Variants in RALYL observed in about 807,000 individuals in gnomAD.
RALYL encodes RNA-binding Raly-like protein.
In RALYL, 29 loss-of-function variants were observed where a neutral mutation model predicts 35.1. The observed-to-expected ratio is 0.83, with a 90% CI of 0.61 to 1.13. RALYL has a LOEUF of 1.13. RALYL is among the 50% of genes most tolerant of loss of function. The pLI is 0.00. For synonymous variants in RALYL, 120 were observed against 127.6 expected (o/e 0.94, Z 0.40); for missense variants, 359 against 360.4 (o/e 1.00, Z 0.03).
intron 2 of RALYL, among the ~76,000 whole-genome samples, chr8:84,552,120 T>C (rs1382067320): frequency 1.8e-5 from 1 of 54,630 alleles, no homozygotes; most frequent in African/African-American, 6.2e-5. Context: ...GGAGAGGAAG[T>C]TTTTTTTTTT....
chr8:84,682,137 T>G (rs1174722391), intron 2 of RALYL, among the ~76,000 whole-genome samples: 1 of 152,188 alleles, frequency 6.6e-6, no homozygotes, highest in Non-Finnish European at 1.5e-5. Context: ...TATGCTGGAT[T>G]ACGTTTATTG....
At chr8:84,307,685 C>T (rs189782253) in intron 1 of RALYL, among the ~76,000 whole-genome samples, 71 of 152,044 alleles carry the variant, frequency 4.7e-4, no homozygotes, top group Non-Finnish European at 7.1e-4. Context: ...GGAGCAGGGG[C>T]GAATGGGGAA....
At chr8:84,609,036 A>AT (rs1817750019) in intron 2 of RALYL, among the ~76,000 whole-genome samples, 1 of 152,084 alleles carries the variant, frequency 6.6e-6, no homozygotes, top group African/African-American at 2.4e-5. Context: ...TTCAAACCAG[A>AT]TTTTTTGGCT....
At chr8:84,785,170 T>A (rs1261782225) in intron 3 of RALYL, among the ~76,000 whole-genome samples, 3 of 152,182 alleles carry the variant, frequency 2.0e-5, no homozygotes, top group Non-Finnish European at 4.4e-5. Flanking sequence ...AGGGGGTACC[T>A]GAGCAGGTCT....
At chr8:84,736,417 G>A (rs1020143426) in intron 2 of RALYL, among the ~76,000 whole-genome samples, 2 of 152,100 alleles carry the variant, frequency 1.3e-5, no homozygotes, top group African/African-American at 4.8e-5. Context: ...ATATAATCCA[G>A]TGGAAACTTT....
chr8:84,558,878 T>G (rs2061306001), intron 2 of RALYL, among the ~76,000 whole-genome samples: 1 of 152,128 alleles, frequency 6.6e-6, no homozygotes, highest in Non-Finnish European at 1.5e-5. Context: ...ATTCTCTTTC[T>G]TCTAAAGAAG....
intron 2 of RALYL, among the ~76,000 whole-genome samples, chr8:84,683,711 G>A (rs1836143003): frequency 6.6e-6 from 1 of 152,066 alleles, no homozygotes; most frequent in Non-Finnish European, 1.5e-5. Context: ...TTTTGAAACT[G>A]AGTCTCACAC....
At chr8:84,645,433 CTT>C (rs1806207490) in intron 2 of RALYL, among the ~76,000 whole-genome samples, 1 of 151,788 alleles carries the variant, frequency 6.6e-6, no homozygotes, top group African/African-American at 2.4e-5. Flanking sequence ...TTTACAATCT[CTT>C]CTGTCAATTT....
chr8:84,667,238 G>A (rs772066821), intron 2 of RALYL, among the ~76,000 whole-genome samples: 8 of 151,476 alleles, frequency 5.3e-5, no homozygotes, highest in Non-Finnish European at 7.4e-5. Flanking sequence ...CTAGAGACTT[G>A]TTCATATTCA....
Position 84,668,753 on chromosome 8 carries a change from G to T in RALYL, c.257-105826G>T, listed in dbSNP as rs1342484057. 3.3e-5 allele frequency among the ~76,000 whole-genome samples: 5 copies of T among 152,156 alleles called. No individual in the cohort carries two copies. The East Asian group carries it at 7.7e-4, about 23-fold the overall frequency. ...TGATGACTGTTATTAGAGCTTGGATGATAATGGAGTGAGACCAAAGTAGGG... is the reference window on the plus strand; with the variant it reads ...TGATGACTGTTATTAGAGCTTGGATTATAATGGAGTGAGACCAAAGTAGGG... On this transcript the variant is annotated intron_variant, in intron 2 of 8. Coordinates refer to ENST00000521268, the MANE Select transcript of RALYL (RefSeq NM_173848.7).
intron 1 of RALYL, among the ~76,000 whole-genome samples, chr8:84,302,571 G>A (rs907632657): frequency 3.9e-5 from 6 of 152,092 alleles, no homozygotes; most frequent in South Asian, 2.1e-4. Flanking sequence ...CTGTAGTGCC[G>A]AAGAGCAAGG....
At chr8:84,743,272 G>A (rs746878542) in intron 2 of RALYL, among the ~76,000 whole-genome samples, 56 of 151,766 alleles carry the variant, frequency 3.7e-4, no homozygotes, top group Admixed American at 5.9e-4. Flanking sequence ...GAAGTTTTTC[G>A]TTCTGTGTCC....
chr8:84,529,737 G>T (rs2059152060), intron 2 of RALYL, among the ~76,000 whole-genome samples, 160 bp downstream of exon 2: 2 of 151,686 alleles, frequency 1.3e-5, no homozygotes, highest in African/African-American at 4.8e-5. Context: ...ATATTGTTTT[G>T]TATATAGGTA....
At chr8:84,674,325 G>T (rs938854660) in intron 2 of RALYL, among the ~76,000 whole-genome samples, 4 of 152,122 alleles carry the variant, frequency 2.6e-5, no homozygotes, top group Admixed American at 1.3e-4. Flanking sequence ...TGCAAACAGG[G>T]ATAGTTTAAC....
At chr8:84,662,231 G>A (rs903251588) in intron 2 of RALYL, among the ~76,000 whole-genome samples, 1 of 152,046 alleles carries the variant, frequency 6.6e-6, no homozygotes, top group Non-Finnish European at 1.5e-5. Flanking sequence ...CTTATCATGG[G>A]CTTCATGGAA....
intron 2 of RALYL, among the ~76,000 whole-genome samples, chr8:84,587,444 G>A (rs1228055145): frequency 6.6e-6 from 1 of 152,158 alleles, no homozygotes; most frequent in Non-Finnish European, 1.5e-5. Context: ...CTATAAGATA[G>A]CAGTTTATGT....
intron 1 of RALYL, among the ~76,000 whole-genome samples, chr8:84,220,217 T>C (rs1340901339): frequency 6.6e-6 from 1 of 152,122 alleles, no homozygotes; most frequent in Non-Finnish European, 1.5e-5. Context: ...TTGTAAACAA[T>C]TATGGGATCT....
intron 1 of RALYL, among the ~76,000 whole-genome samples, chr8:84,394,550 T>C (rs1411961848): frequency 3.3e-5 from 5 of 151,988 alleles, no homozygotes; most frequent in Non-Finnish European, 5.9e-5. Flanking sequence ...ATTAGGATGC[T>C]TACTGTAAAA....
At chr8:84,686,730 T>C (rs1168248972) in intron 2 of RALYL, among the ~76,000 whole-genome samples, 2 of 152,150 alleles carry the variant, frequency 1.3e-5, no homozygotes, top group Non-Finnish European at 2.9e-5. Context: ...TTTTAAAAGT[T>C]TTATCAAACA....
Sources: gnomAD v4.1 joint callset for allele counts (sites outside exome capture counted in the v4.1 genomes callset) on GRCh38, gnomAD v4.1.1 for gene constraint, MANE v1.5 for transcripts, NCBI Gene and HGNC (gene_info 2026-07-23, HGNC 2026-07-21) for gene names.